LIAS: variants seen among roughly 807,000 people sequenced by gnomAD.
LIAS encodes lipoic acid synthetase.
LIAS carries 36 observed loss-of-function variants against 49.4 expected under a neutral mutation model. The ratio of observed to expected loss-of-function variants is 0.73; its 90% CI spans 0.56 to 0.96. LIAS has a LOEUF of 0.96. LIAS is among the 40% of genes least tolerant of loss of function. The pLI is 0.00. For synonymous variants in LIAS, 145 were observed against 155.8 expected (o/e 0.93, Z 0.52); for missense variants, 399 against 456.3 (o/e 0.87, Z 1.14).
chr4:39,459,218 G>C lies in LIAS; in HGVS notation c.45+56G>C, dbSNP rs950677926. The stretch of plus-strand genomic sequence containing the variant: ...GGGGTGGGGGGATCCTATCCCTTCA[G>C]AGCGCCCATGCCCAATAATAAAGGC... On this transcript the variant is annotated intron_variant, in intron 1 of 10. Coordinates refer to ENST00000640888, the MANE Select transcript of LIAS (RefSeq NM_006859.4). 4.6e-6 allele frequency: 7 copies of C among 1,509,094 alleles called. No homozygotes were observed. The African/African-American group carries it at 9.6e-5, about 21-fold the overall frequency. The allele number at this position is 1,509,094 out of a possible 1,614,324, so 93.5% of individuals were successfully genotyped here. A position where few individuals can be genotyped will look rare whatever the true frequency, so the allele number is the denominator to read the frequency against.
At position 39,468,519 on chromosome 4, in the gene LIAS, A is replaced by ATTTTT. The variant is rs1213935231; in HGVS notation, c.737+874_737+875insTTTTT. The ATTTTT allele has an allele frequency of 9.1e-5, 13 of 142,324 alleles. No homozygotes were observed. In the East Asian group the frequency reaches 1.8e-3, roughly 20 times the overall value. The allele number at this position is 142,324 out of a possible 1,614,324, so 8.8% of individuals were successfully genotyped here. On this transcript the variant is annotated intron_variant, in intron 7 of 10. Transcript: ENST00000640888. ...AAAAAAAAAATATATATATATATATATATTTTTTTATATTATATATATTCA... is the reference window on the plus strand; with the variant it reads ...AAAAAAAAAATATATATATATATATATTTTTTATTTTTTTATATTATATATATTCA...
At chr4:39,460,533 CAAAAAA>C (rs3836577) in intron 1 of LIAS, among the ~76,000 whole-genome samples, 26 of 98,236 alleles carry the variant, frequency 2.6e-4, no homozygotes, top group Non-Finnish European at 4.5e-4. Context: ...GACTCCGTCT[CAAAAAA>C]AAAAAAAAAA....
Position 39,477,327 on chromosome 4 carries a change from G to C in LIAS, c.*212G>C, listed in dbSNP as rs540608097. 1.7e-5 allele frequency: 7 copies of C among 411,480 alleles called. No homozygotes were observed. The South Asian group carries it at 1.9e-4, about 11-fold the overall frequency. 25.5% of individuals were successfully genotyped at this position (411,480 alleles called of 1,614,324 possible). On this transcript the variant is annotated 3_prime_UTR_variant, in exon 11 of 11. Transcript: ENST00000640888. ...GTGGATCACCTGAGGTCAGGAGTTC[G>C]AGACCAGCCTGGCCAACATGGTGAA...
At chr4:39,463,498 T>A in intron 3 of LIAS, 27 bp from the exon 4 acceptor site, 1 of 1,573,914 alleles carries the variant, frequency 6.4e-7, no homozygotes, top group Non-Finnish European at 8.7e-7. Context: ...GTCAACCTAA[T>A]GGTGTTCCAT....
intron 9 of LIAS, 52 bp from the exon 10 acceptor site, chr4:39,473,048 A>G: frequency 9.2e-7 from 1 of 1,086,564 alleles, no homozygotes; most frequent in Non-Finnish European, 1.4e-6. Context: ...GACTTTCTGC[A>G]GAATCAAAGT....
intron 8 of LIAS, 37 bp from the exon 9 acceptor site, chr4:39,471,199 G>A (rs1012174837): frequency 6.8e-7 from 1 of 1,469,922 alleles, no homozygotes; most frequent in Non-Finnish European, 9.5e-7. Context: ...TACAATTAAA[G>A]TATTTGCTAA....
intron 1 of LIAS, 36 bp downstream of exon 1, chr4:39,459,198 G>T: frequency 1.3e-6 from 2 of 1,595,498 alleles, no homozygotes; most frequent in Admixed American, 1.7e-5. Flanking sequence ...GGCGTGGGGT[G>T]GGGGGATCCT....
chr4:39,465,443 G>A, intron 6 of LIAS, 101 bp downstream of exon 6: 1 of 987,350 alleles, frequency 1.0e-6, no homozygotes, highest in East Asian at 2.5e-5. Flanking sequence ...ACTTTTTGAG[G>A]AGTTTCATAG....
rs565230504 is a variant in LIAS, at chr4:39,470,283, GAA to G, written c.883+122_883+123del. On this transcript the variant is annotated intron_variant, in intron 8 of 10. Coordinates refer to ENST00000640888, the MANE Select transcript of LIAS (RefSeq NM_006859.4). ...AGTATATGGTTATAGATGGCAGCAT[GAA>G]AAGGAAACCAACTTGCACATGCACC... is the stretch of plus-strand genomic sequence containing the variant. 206 of 722,120 alleles carry G rather than the reference GAA, an allele frequency of 2.9e-4. No homozygotes were observed. The African/African-American group carries it at 3.4e-3, about 12-fold the overall frequency. The allele number at this position is 722,120 out of a possible 1,614,324, so 44.7% of individuals were successfully genotyped here.
Position 39,462,159 on chromosome 4 carries a change from T to C in LIAS, c.219-37T>C, listed in dbSNP as rs375322646. ...AAAGCTGTGTAATTATTTGGCAGCA[T>C]ATTTGTTAATAGATAGTTATGTTTG... On this transcript the variant is annotated intron_variant, in intron 2 of 10. Transcript: ENST00000640888. 6.8e-5 allele frequency: 61 copies of C among 898,258 alleles called. No homozygotes were observed. In the African/African-American group the frequency reaches 8.8e-4, roughly 13 times the overall value. The allele number at this position is 898,258 out of a possible 1,614,324, so 55.6% of individuals were successfully genotyped here. A position where few individuals can be genotyped will look rare whatever the true frequency, so the allele number is the denominator to read the frequency against.
In LIAS at chr4:39,465,202, G is replaced by C; in HGVS notation, c.550G>C (p.Asp184His). Residue 184 changes from aspartate (D) to histidine (H), a missense_variant and splice_region_variant, in exon 5 of 11, where the codon GAT (aspartate) becomes CAT (histidine). By Grantham distance (81) the Asp-to-His change is moderately conservative. Transcript: ENST00000640888. ...YVVLTSVDRD[D>H]MPDGGAEHIA... ...TGTCCTGACATCTGTGGATCGAGATGGTTAGTGTGTCATCATGGCCTCTAC... is the reference window on the plus strand; with the variant it reads ...TGTCCTGACATCTGTGGATCGAGATCGTTAGTGTGTCATCATGGCCTCTAC... The C allele has an allele frequency of 6.2e-7, 1 of 1,613,434 alleles. No homozygotes were observed. Among genetic ancestry groups the C allele is most frequent in the Non-Finnish European group, 8.5e-7 (1 of 1,179,486 alleles).
In LIAS at chr4:39,479,380, G is replaced by A. The variant is rs1175767060; in HGVS notation, c.*2265G>A. 6.6e-6 allele frequency: 1 copy of A among 150,420 alleles called. No individual in the cohort carries two copies. The highest frequency in any genetic ancestry group is 1.5e-5 in the Non-Finnish European group (1 of 67,714). 9.3% of individuals were successfully genotyped at this position (150,420 alleles called of 1,614,324 possible). A position where few individuals can be genotyped will look rare whatever the true frequency, so the allele number is the denominator to read the frequency against. On this transcript the variant is annotated 3_prime_UTR_variant, in exon 11 of 11. Transcript: ENST00000640888. ...AAAATTAAAAAATTAGCCAAGTGTG[G>A]TGGCGCATGTCTGTAATCCCAGCTA...
At chr4:39,474,262 CAAAAAAAAA>C (rs34137564) in intron 10 of LIAS, among the ~76,000 whole-genome samples, 2 of 92,406 alleles carry the variant, frequency 2.2e-5, no homozygotes, top group Admixed American at 1.3e-4. Flanking sequence ...GACTCTGTCT[CAAAAAAAAA>C]AAAAAAAAAA....
chr4:39,477,181 G>A lies in LIAS; in HGVS notation c.*66G>A. On this transcript the variant is annotated 3_prime_UTR_variant, in exon 11 of 11. Coordinates refer to ENST00000640888, the MANE Select transcript of LIAS (RefSeq NM_006859.4). ...TTTGATTCCAGTTAATAACAGAGGT[G>A]GTGCCAGAATGCCTGGACTGCAGTG... is the stretch of plus-strand genomic sequence containing the variant. The A allele has an allele frequency of 1.6e-6, 2 of 1,277,466 alleles. No homozygotes were observed. The highest frequency in any genetic ancestry group is 2.2e-6 in the Non-Finnish European group (2 of 897,580). The allele number at this position is 1,277,466 out of a possible 1,614,324, so 79.1% of individuals were successfully genotyped here. A position where few individuals can be genotyped will look rare whatever the true frequency, so the allele number is the denominator to read the frequency against.
rs148943631 is a variant in LIAS at position 39,478,495 on chromosome 4, C to T, written c.*1380C>T. 6.6e-6 allele frequency: 1 copy of T among 152,088 alleles called. No homozygotes were observed. The highest frequency in any genetic ancestry group is 1.9e-4 in the East Asian group (1 of 5,186). The allele number at this position is 152,088 out of a possible 1,614,324, so 9.4% of individuals were successfully genotyped here. On this transcript the variant is annotated 3_prime_UTR_variant, in exon 11 of 11. Coordinates refer to ENST00000640888, the MANE Select transcript of LIAS (RefSeq NM_006859.4). ...CTCCAGCCCGGGCAACAGAGTGAGA[C>T]TGTCTCAAAAAAAAAGTAAATGTTG...
rs576737704 is a variant in LIAS at position 39,471,078 on chromosome 4, A to G, written c.884-158A>G. On this transcript the variant is annotated intron_variant, in intron 8 of 10. Coordinates refer to ENST00000640888, the MANE Select transcript of LIAS (RefSeq NM_006859.4). ...CAGTCCTTACCACAGTCCCTGGCAC[A>G]TAATACTTTTGAATGAATAGATGTT... is the stretch of plus-strand genomic sequence containing the variant. 9.2e-5 allele frequency among the ~76,000 whole-genome samples: 14 copies of G among 152,350 alleles called. No homozygotes were observed. The South Asian group carries it at 2.7e-3, about 29-fold the overall frequency.
At chr4:39,469,808 T>C in intron 7 of LIAS, 1 of 408,960 alleles carries the variant, frequency 2.4e-6, no homozygotes, top group Non-Finnish European at 4.3e-6. Flanking sequence ...ATTCTACTTT[T>C]CTCTGCCCCA....
rs770038370 is a variant in LIAS at position 39,459,195 on chromosome 4, G to A, written c.45+33G>A. ...GCGGGGCGAACGGGTTTGGGCGTGG[G>A]GTGGGGGGATCCTATCCCTTCAGAG... On this transcript the variant is annotated intron_variant, in intron 1 of 10. Coordinates refer to ENST00000640888, the MANE Select transcript of LIAS (RefSeq NM_006859.4). 15 of 1,603,350 alleles carry A rather than the reference G, an allele frequency of 9.4e-6. 1 individual carries two copies. In the African/African-American group the frequency reaches 1.5e-4, roughly 16 times the overall value.
Position 39,477,926 on chromosome 4 carries a change from G to A in LIAS, c.*811G>A, listed in dbSNP as rs1745257151. On this transcript the variant is annotated 3_prime_UTR_variant, in exon 11 of 11. Transcript: ENST00000640888. ...AGCAGAGGTTGCAATGAGCTGAGGT[G>A]GTGCCACTGCTCTCCAGCCTGGGCG... 6.6e-6 allele frequency: 1 copy of A among 151,952 alleles called. No individual in the cohort carries two copies. The highest frequency in any genetic ancestry group is 1.5e-5 in the Non-Finnish European group (1 of 68,014). 9.4% of individuals were successfully genotyped at this position (151,952 alleles called of 1,614,324 possible).
Sources: allele counts gnomAD v4.1 joint callset (sites outside exome capture counted in the v4.1 genomes callset), GRCh38; gene constraint gnomAD v4.1.1; transcripts MANE v1.5; gene names NCBI Gene and HGNC (gene_info 2026-07-23, HGNC 2026-07-21).